Variants in TRPM3 observed in about 807,000 individuals in gnomAD.
TRPM3 encodes the protein long transient receptor potential channel 3.
TRPM3 carries 77 observed loss-of-function variants against 181.2 expected under a neutral mutation model. The observed-to-expected ratio is 0.42, with a 90% CI of 0.35 to 0.51. The LOEUF (loss-of-function observed/expected upper bound fraction) is 0.51. Ranked by LOEUF, TRPM3 falls within the 20% of genes least tolerant of loss-of-function variation. TRPM3 has a pLI of 0.01. For synonymous variants in TRPM3, 745 were observed against 796.4 expected, an observed-to-expected ratio of 0.94 and a Z score of 1.09; for missense variants, 1,759 against 2,196.7, an observed-to-expected ratio of 0.80 and a Z score of 3.98.
In TRPM3 at chr9:70,547,968, C is replaced by A. The variant is rs143792212; in HGVS notation, c.3707+1574G>T. On this transcript the variant is annotated intron_variant, in intron 25 of 25. Transcript: ENST00000677713. ...TATTCACGTGTGCTGGTGCCTGCAC[C>A]TCTTCGTTCTAGTTCCTCAGGGAGG... is the stretch of plus-strand genomic sequence containing the variant. Among the ~76,000 whole-genome samples the A allele has an allele frequency of 6.4e-3, 968 of 152,338 alleles. 6 individuals are homozygous for A. The highest frequency in any genetic ancestry group is 7.5e-3 in the Non-Finnish European group (512 of 68,038).
At chr9:70,992,063 A>T (rs571058843) in intron 1 of TRPM3, among the ~76,000 whole-genome samples, 4 of 151,998 alleles carry the variant, frequency 2.6e-5, no homozygotes, top group Admixed American at 2.0e-4. Flanking sequence ...TCTTTGCTCC[A>T]CTCCAGTACA....
chr9:70,798,550 C>T (rs1025034536), intron 6 of TRPM3, among the ~76,000 whole-genome samples: 1 of 152,188 alleles, frequency 6.6e-6, no homozygotes, highest in African/African-American at 2.4e-5. Flanking sequence ...AGAGCTTCTT[C>T]CACTTAACTG....
chr9:70,970,433 C>T (rs1259539972), intron 1 of TRPM3, among the ~76,000 whole-genome samples: 2 of 152,102 alleles, frequency 1.3e-5, no homozygotes, highest in Non-Finnish European at 2.9e-5. Flanking sequence ...CTTCTGGAAC[C>T]CTGTGCTCAT....
intron 1 of TRPM3, among the ~76,000 whole-genome samples, chr9:71,076,553 G>A (rs987939312): frequency 6.6e-6 from 1 of 152,128 alleles, no homozygotes; most frequent in African/African-American, 2.4e-5. Context: ...CACTTAGCAC[G>A]ATGAACAACA....
At chr9:70,626,276 T>C (rs1015252838) in intron 12 of TRPM3, among the ~76,000 whole-genome samples, 1 of 152,222 alleles carries the variant, frequency 6.6e-6, no homozygotes, top group Non-Finnish European at 1.5e-5. Flanking sequence ...GCATAGTGAA[T>C]TCCAAAGGTC....
intron 7 of TRPM3, among the ~76,000 whole-genome samples, chr9:70,768,658 C>T (rs11142579): frequency 0.047 from 7,173 of 151,948 alleles, 196 homozygotes; most frequent in Non-Finnish European, 0.057. Context: ...TGGTGGCTCA[C>T]ATCGATAATC....
intron 1 of TRPM3, among the ~76,000 whole-genome samples, chr9:71,076,540 C>A (rs1000300410): frequency 6.6e-6 from 1 of 152,114 alleles, no homozygotes; most frequent in Non-Finnish European, 1.5e-5. Context: ...TGTTAGCATT[C>A]GCCACTTAGC....
intron 8 of TRPM3, among the ~76,000 whole-genome samples, chr9:70,738,141 A>C (rs553380140): frequency 1.1e-4 from 16 of 152,336 alleles, no homozygotes; most frequent in African/African-American, 3.8e-4. Context: ...AAGTCTCATA[A>C]ATTTAAGAAA....
At chr9:71,292,142 A>G (rs1355818272) in intron 1 of TRPM3, among the ~76,000 whole-genome samples, 1 of 152,072 alleles carries the variant, frequency 6.6e-6, no homozygotes, top group East Asian at 1.9e-4. Flanking sequence ...AAATGAATAA[A>G]CATTGAAAAC....
chr9:70,933,175 C>T (rs1033965478), intron 1 of TRPM3, among the ~76,000 whole-genome samples: 14 of 152,046 alleles, frequency 9.2e-5, no homozygotes, highest in African/African-American at 3.1e-4. Flanking sequence ...TTTGTGGTTC[C>T]TCTGAGATAT....
intron 1 of TRPM3, among the ~76,000 whole-genome samples, chr9:71,063,907 G>C (rs1313434043): frequency 6.6e-6 from 1 of 152,030 alleles, no homozygotes; most frequent in Non-Finnish European, 1.5e-5. Flanking sequence ...TAGAGATCTA[G>C]AAAGGACCCA....
chr9:71,337,089 C>T (rs2090610589), intron 1 of TRPM3, among the ~76,000 whole-genome samples: 1 of 151,996 alleles, frequency 6.6e-6, no homozygotes, highest in South Asian at 2.1e-4. Flanking sequence ...CAACAAAAGG[C>T]AAAATTGAAA....
intron 1 of TRPM3, among the ~76,000 whole-genome samples, chr9:71,367,171 C>T (rs1329467046): frequency 6.6e-6 from 1 of 152,134 alleles, no homozygotes; most frequent in South Asian, 2.1e-4. Context: ...ACTGGCAATG[C>T]TTTACCCCAA....
Position 70,535,946 on chromosome 9 carries a change from A to G in TRPM3, c.*7T>C. ...CTTGAGCCTTCTGTGGCGGATATTA[A>G]GAAGGTTTAGTTGTGCTTGCTTTCA... On this transcript the variant is annotated 3_prime_UTR_variant, in exon 26 of 26. Transcript: ENST00000677713. The G allele has an allele frequency of 1.3e-6, 2 of 1,564,986 alleles. No individual in the cohort carries two copies. Among genetic ancestry groups the G allele is most frequent in the Non-Finnish European group, 1.7e-6 (2 of 1,158,410 alleles).
intron 1 of TRPM3, among the ~76,000 whole-genome samples, chr9:71,019,357 A>C (rs2097821632): frequency 1.3e-5 from 2 of 151,988 alleles, no homozygotes; most frequent in African/African-American, 4.8e-5. Context: ...GTACAAAAAG[A>C]CTCCAAATAA....
intron 1 of TRPM3, among the ~76,000 whole-genome samples, chr9:71,251,453 T>C (rs1025987667): frequency 6.6e-6 from 1 of 152,190 alleles, no homozygotes; most frequent in Non-Finnish European, 1.5e-5. Flanking sequence ...TCTTGGGAGC[T>C]TTATCATAAA....
intron 1 of TRPM3, among the ~76,000 whole-genome samples, chr9:70,882,382 C>T (rs1194647539): frequency 6.6e-6 from 1 of 152,136 alleles, no homozygotes; most frequent in African/African-American, 2.4e-5. Context: ...AATGCCAAAG[C>T]TGTTTGGAAT....
chr9:70,645,587 A>T (rs2058705959), intron 9 of TRPM3, among the ~76,000 whole-genome samples: 1 of 150,986 alleles, frequency 6.6e-6, no homozygotes, highest in Admixed American at 6.6e-5. Context: ...TAAACATATA[A>T]CCTAAAACCA....
intron 1 of TRPM3, among the ~76,000 whole-genome samples, chr9:70,962,797 A>G (rs2097149629): frequency 6.6e-6 from 1 of 152,140 alleles, no homozygotes; most frequent in African/African-American, 2.4e-5. Context: ...TGCGTAACTG[A>G]AAGAATGGAA....
Sources: allele counts gnomAD v4.1 joint callset (sites outside exome capture counted in the v4.1 genomes callset), GRCh38; gene constraint gnomAD v4.1.1; transcripts MANE v1.5; gene names NCBI Gene and HGNC (gene_info 2026-07-23, HGNC 2026-07-21).